Variants in ABCB1 observed in about 807,000 individuals in gnomAD.
ABCB1 encodes the protein ATP binding cassette subfamily B member 1.
ABCB1 carries 69 observed loss-of-function variants against 142.0 expected under a neutral mutation model. That is an observed-to-expected ratio of 0.49 (90% CI 0.40 to 0.59). The LOEUF (loss-of-function observed/expected upper bound fraction) is 0.59, where lower values mean the gene tolerates loss of function less well. ABCB1 is among the 20% of genes least tolerant of loss of function. The pLI is 0.00. For missense variants in ABCB1, 1,326 were observed against 1,554.7 expected (o/e 0.85, Z 2.47); for synonymous variants, 532 against 539.2 (o/e 0.99, Z 0.18).
intron 6 of ABCB1, 57 bp downstream of exon 6, chr7:87,566,728 T>A: frequency 6.5e-7 from 1 of 1,535,068 alleles, no homozygotes; most frequent in Non-Finnish European, 9.0e-7. Flanking sequence ...TGACATCTAT[T>A]TCATTTTACT....
intron 25 of ABCB1, among the ~76,000 whole-genome samples, chr7:87,513,776 C>T (rs1488272369): frequency 1.3e-5 from 2 of 152,176 alleles, no homozygotes; most frequent in African/African-American, 4.8e-5. Context: ...CTATATGCCC[C>T]ATCTCCTCAG....
chr7:87,687,134 G>A (rs1047745497), intron 1 of ABCB1, among the ~76,000 whole-genome samples: 1 of 152,026 alleles, frequency 6.6e-6, no homozygotes, highest in Admixed American at 6.6e-5. Flanking sequence ...ATTCAGTTTA[G>A]ATTTTATATT....
intron 1 of ABCB1, among the ~76,000 whole-genome samples, chr7:87,616,360 A>G (rs529472516): frequency 2.0e-5 from 3 of 152,370 alleles, no homozygotes; most frequent in South Asian, 4.1e-4. Flanking sequence ...TTATAAGACT[A>G]TGAAGAAGGG....
At chr7:87,560,289 A>G (rs1817504548) in intron 8 of ABCB1, among the ~76,000 whole-genome samples, 1 of 152,208 alleles carries the variant, frequency 6.6e-6, no homozygotes, top group South Asian at 2.1e-4. Context: ...ATGGCACTTA[A>G]CCATTATAAA....
At chr7:87,640,253 A>G (rs1184555399) in intron 1 of ABCB1, among the ~76,000 whole-genome samples, 1 of 151,182 alleles carries the variant, frequency 6.6e-6, no homozygotes, top group Non-Finnish European at 1.5e-5. Context: ...TACAGTAGGT[A>G]TTTAGGAAAT....
intron 7 of ABCB1, among the ~76,000 whole-genome samples, chr7:87,562,851 G>C (rs932706130): frequency 1.3e-5 from 2 of 151,624 alleles, no homozygotes; most frequent in African/African-American, 4.8e-5. Flanking sequence ...TATAGTCCCA[G>C]GACTTTGGGG....
intron 25 of ABCB1, among the ~76,000 whole-genome samples, chr7:87,511,573 T>G (rs1207259054): frequency 1.3e-5 from 2 of 152,246 alleles, no homozygotes; most frequent in East Asian, 3.8e-4. Context: ...GTCTCTTGTT[T>G]AACCTTCATA....
At chr7:87,537,278 G>A (rs996724672) in intron 19 of ABCB1, among the ~76,000 whole-genome samples, 4 of 152,208 alleles carry the variant, frequency 2.6e-5, no homozygotes, top group Admixed American at 2.0e-4. Flanking sequence ...GCCACATAGT[G>A]TATGGTCTTA....
chr7:87,508,643 G>A (rs1006703671), intron 26 of ABCB1, among the ~76,000 whole-genome samples: 1 of 152,098 alleles, frequency 6.6e-6, no homozygotes, highest in African/African-American at 2.4e-5. Flanking sequence ...CAAAGTTTGG[G>A]GCCCATGAAA....
At chr7:87,546,342 A>G (rs764808014) in intron 14 of ABCB1, among the ~76,000 whole-genome samples, 1 of 152,272 alleles carries the variant, frequency 6.6e-6, no homozygotes, top group African/African-American at 2.4e-5. Flanking sequence ...TAATCCCAGC[A>G]CTTTGGGAGG....
intron 1 of ABCB1, among the ~76,000 whole-genome samples, chr7:87,705,683 T>G (rs1258119726): frequency 6.6e-6 from 1 of 152,206 alleles, no homozygotes; most frequent in Non-Finnish European, 1.5e-5. Flanking sequence ...GAATCAGCAC[T>G]CTTAGAAAAA....
chr7:87,626,027 G>A (rs534787172), intron 1 of ABCB1, among the ~76,000 whole-genome samples: 1 of 123,932 alleles, frequency 8.1e-6, no homozygotes, highest in Non-Finnish European at 1.6e-5. Context: ...TATATATAGA[G>A]AGAGAGAGAG....
chr7:87,517,070 C>T (rs763011962), intron 23 of ABCB1, among the ~76,000 whole-genome samples: 20 of 152,032 alleles, frequency 1.3e-4, no homozygotes, highest in Admixed American at 3.9e-4. Context: ...GAGAGCTTTG[C>T]CTCTAATAGT....
intron 1 of ABCB1, among the ~76,000 whole-genome samples, chr7:87,663,975 A>G (rs1824971321): frequency 6.6e-6 from 1 of 152,234 alleles, no homozygotes. Context: ...TTAACTCCTT[A>G]TAGTGGCTAT....
chr7:87,591,385 A>G (rs191675843), intron 3 of ABCB1, among the ~76,000 whole-genome samples: 22 of 152,342 alleles, frequency 1.4e-4, no homozygotes, highest in African/African-American at 5.3e-4. Context: ...TAGGAAATGA[A>G]TACACAATGT....
intron 1 of ABCB1, among the ~76,000 whole-genome samples, chr7:87,632,879 T>C (rs1002096085): frequency 7.2e-5 from 11 of 152,206 alleles, no homozygotes; most frequent in African/African-American, 2.7e-4. Context: ...GTCAAACTTT[T>C]AAGTCAATAC....
chr7:87,583,634 C>A (rs1818612961), intron 4 of ABCB1, among the ~76,000 whole-genome samples: 1 of 152,026 alleles, frequency 6.6e-6, no homozygotes, highest in Non-Finnish European at 1.5e-5. Context: ...GACACATGGG[C>A]CTATCCAGAA....
intron 17 of ABCB1, among the ~76,000 whole-genome samples, chr7:87,542,373 C>T (rs898871136): frequency 1.3e-5 from 2 of 152,146 alleles, no homozygotes; most frequent in South Asian, 2.1e-4. Flanking sequence ...ATTATCATCA[C>T]GGTTTTACAC....
intron 21 of ABCB1, among the ~76,000 whole-genome samples, chr7:87,530,415 T>C (rs1815984092): frequency 6.6e-6 from 1 of 152,080 alleles, no homozygotes; most frequent in Non-Finnish European, 1.5e-5. Context: ...ACCTATCAGC[T>C]CTAAAGTCCA....
Sources: gnomAD v4.1 joint callset for allele counts (sites outside exome capture counted in the v4.1 genomes callset) on GRCh38, gnomAD v4.1.1 for gene constraint, MANE v1.5 for transcripts, NCBI Gene and HGNC (gene_info 2026-07-23, HGNC 2026-07-21) for gene names.